NUDCD1: variants seen among roughly 807,000 people sequenced by gnomAD.
The protein encoded by NUDCD1 is NudC domain containing 1.
A neutral mutation model predicts 67.8 loss-of-function variants in NUDCD1; 60 were observed. That is an observed-to-expected ratio of 0.88 (90% CI 0.72 to 1.10). The LOEUF is 1.10. Ranked by LOEUF, NUDCD1 falls within the 50% of genes least tolerant of loss-of-function variation. The pLI is 0.00. For synonymous variants in NUDCD1, 244 were observed against 230.8 expected (o/e 1.06, Z -0.52); for missense variants, 643 against 695.0 (o/e 0.93, Z 0.84).
intron 8 of NUDCD1, among the ~76,000 whole-genome samples, chr8:109,248,003 T>C (rs940260776): frequency 6.6e-6 from 1 of 152,180 alleles, no homozygotes; most frequent in African/African-American, 2.4e-5. Context: ...GGAGAGATTA[T>C]CCTGGAATAT....
At chr8:109,317,882 A>G (rs1019823661) in intron 2 of NUDCD1, among the ~76,000 whole-genome samples, 40 of 152,224 alleles carry the variant, frequency 2.6e-4, no homozygotes, top group African/African-American at 8.0e-4. Flanking sequence ...AGCCAAGGAT[A>G]TATGGAGACT....
At chr8:109,281,220 C>G (rs191041551) in intron 5 of NUDCD1, 48 bp from the exon 6 acceptor site, 1 of 1,195,036 alleles carries the variant, frequency 8.4e-7, no homozygotes, top group South Asian at 1.3e-5. Flanking sequence ...TTAGAGAAAG[C>G]ATACACACAC....
At chr8:109,251,185 T>TA (rs1336212952) in intron 8 of NUDCD1, among the ~76,000 whole-genome samples, 1 of 150,940 alleles carries the variant, frequency 6.6e-6, no homozygotes, top group African/African-American at 2.4e-5. Flanking sequence ...TTTTTTTCTT[T>TA]TTTTTTTGGA....
At chr8:109,266,327 A>G (rs905432548) in intron 8 of NUDCD1, among the ~76,000 whole-genome samples, 6 of 150,270 alleles carry the variant, frequency 4.0e-5, no homozygotes, top group Non-Finnish European at 1.5e-5. Flanking sequence ...CCAGGTTCAC[A>G]CCATTTTCCT....
intron 1 of NUDCD1, among the ~76,000 whole-genome samples, chr8:109,329,381 AC>A: frequency 6.6e-6 from 1 of 152,152 alleles, no homozygotes. Context: ...CAAACCCCAA[AC>A]ATAAGAATCA....
intron 8 of NUDCD1, among the ~76,000 whole-genome samples, chr8:109,266,295 G>A (rs563058438): frequency 1.1e-4 from 17 of 151,128 alleles, no homozygotes; most frequent in Non-Finnish European, 1.9e-4. Flanking sequence ...GCGCGATCTC[G>A]GCTCACTGCA....
chr8:109,283,309 C>T (rs936213631), intron 5 of NUDCD1, among the ~76,000 whole-genome samples: 3 of 152,002 alleles, frequency 2.0e-5, no homozygotes, highest in Non-Finnish European at 4.4e-5. Context: ...TGTAAAGTAA[C>T]CAACCCTATT....
chr8:109,305,203 C>G (rs1176993643), intron 2 of NUDCD1, among the ~76,000 whole-genome samples: 1 of 152,188 alleles, frequency 6.6e-6, no homozygotes, highest in African/African-American at 2.4e-5. Context: ...TACCCACATG[C>G]CCCGAGTCAG....
At chr8:109,330,191 GTT>G (rs1349883030) in intron 1 of NUDCD1, among the ~76,000 whole-genome samples, 1 of 152,196 alleles carries the variant, frequency 6.6e-6, no homozygotes, top group Non-Finnish European at 1.5e-5. Flanking sequence ...TTAAAAATAA[GTT>G]TTTTGTTTCG....
At chr8:109,331,109 G>A (rs967592286) in intron 1 of NUDCD1, among the ~76,000 whole-genome samples, 33 of 152,166 alleles carry the variant, frequency 2.2e-4, no homozygotes, top group South Asian at 1.2e-3. Context: ...TTGGGAGGCC[G>A]AGGCAGGTGG....
At chr8:109,246,480 T>G (rs939204656) in intron 8 of NUDCD1, among the ~76,000 whole-genome samples, 2 of 152,234 alleles carry the variant, frequency 1.3e-5, no homozygotes, top group Non-Finnish European at 2.9e-5. Context: ...TTAAACGTAC[T>G]GCTTAATTAA....
intron 5 of NUDCD1, among the ~76,000 whole-genome samples, chr8:109,282,070 G>C (rs1451612322): frequency 6.6e-6 from 1 of 152,096 alleles, no homozygotes; most frequent in African/African-American, 2.4e-5. Context: ...TATGCCTCTG[G>C]GCATTTAGTG....
rs767241167 is a variant in NUDCD1 at position 109,245,495 on chromosome 8, T to TA, written c.1300-15dup. On this transcript the variant is annotated splice_polypyrimidine_tract_variant and intron_variant, in intron 8 of 9. Coordinates refer to ENST00000239690, the MANE Select transcript of NUDCD1 (RefSeq NM_032869.4). ...TCCAAGATTCACCTAAAAAGTGATT[T>TA]AAAAAAAAATTTACTCAACAACAAA... 4.6e-5 allele frequency: 73 copies of TA among 1,570,318 alleles called. No homozygotes were observed. Among genetic ancestry groups the TA allele is most frequent in the South Asian group, 1.1e-4 (9 of 84,652 alleles).
At chr8:109,281,209 A>AT in intron 5 of NUDCD1, 37 bp from the exon 6 acceptor site, 1 of 1,396,366 alleles carries the variant, frequency 7.2e-7, no homozygotes, top group Non-Finnish European at 1.0e-6. Flanking sequence ...GTAATAAAAA[A>AT]TTAGAGAAAG....
At chr8:109,285,974 A>C (rs1489198126) in intron 5 of NUDCD1, among the ~76,000 whole-genome samples, 1 of 152,238 alleles carries the variant, frequency 6.6e-6, no homozygotes, top group African/African-American at 2.4e-5. Context: ...TCAATGTATG[A>C]AAATCAGTAG....
chr8:109,247,628 T>A (rs1291093833), intron 8 of NUDCD1, among the ~76,000 whole-genome samples: 1 of 152,210 alleles, frequency 6.6e-6, no homozygotes, highest in South Asian at 2.1e-4. Context: ...AGCAATTTCA[T>A]ACAGCTTGTC....
chr8:109,275,646 T>G (rs1251581859), intron 6 of NUDCD1, 150 bp from the exon 7 acceptor site: 2 of 636,582 alleles, frequency 3.1e-6, no homozygotes, highest in Non-Finnish European at 5.3e-6. Flanking sequence ...CATTTAAGTT[T>G]TGCATGTGAT....
At chr8:109,298,887 A>C (rs915033851) in intron 2 of NUDCD1, 3 of 152,228 alleles carry the variant, frequency 2.0e-5, no homozygotes, top group Admixed American at 2.0e-4. Flanking sequence ...CCTCTGAAGG[A>C]AGTGGATTGC....
intron 2 of NUDCD1, among the ~76,000 whole-genome samples, chr8:109,307,573 T>C (rs997930592): frequency 6.6e-6 from 1 of 151,964 alleles, no homozygotes; most frequent in African/African-American, 2.4e-5. Context: ...GAAACAAAAA[T>C]ACAATTAAAA....
Sources: gnomAD v4.1 joint callset for allele counts (sites outside exome capture counted in the v4.1 genomes callset) on GRCh38, gnomAD v4.1.1 for gene constraint, MANE v1.5 for transcripts, NCBI Gene and HGNC (gene_info 2026-07-23, HGNC 2026-07-21) for gene names.